ZFAND3: variants seen among roughly 807,000 people sequenced by gnomAD.
The protein encoded by ZFAND3 is zinc finger AN1-type containing 3.
In ZFAND3, 10 loss-of-function variants were observed where a neutral mutation model predicts 29.6. The observed-to-expected ratio is 0.34, with a 90% CI of 0.21 to 0.57. The LOEUF (loss-of-function observed/expected upper bound fraction) is 0.57. ZFAND3 is among the 20% of genes least tolerant of loss of function. The probability of loss-of-function intolerance (pLI) is 0.86; values close to 1 mark genes in which losing one functional copy is unlikely to be tolerated. For synonymous variants in ZFAND3, 128 were observed against 112.6 expected, an observed-to-expected ratio of 1.14 and a Z score of -0.87; for missense variants, 230 against 304.5, an observed-to-expected ratio of 0.76 and a Z score of 1.82.
At chr6:38,050,787 A>T (rs1242662244) in intron 2 of ZFAND3, among the ~76,000 whole-genome samples, 7 of 152,210 alleles carry the variant, frequency 4.6e-5, no homozygotes, top group Non-Finnish European at 1.0e-4. Context: ...GACATTCTTA[A>T]AATATAACAT....
At chr6:37,871,195 A>C (rs928135411) in intron 1 of ZFAND3, among the ~76,000 whole-genome samples, 1 of 152,186 alleles carries the variant, frequency 6.6e-6, no homozygotes, top group African/African-American at 2.4e-5. Context: ...TGTGTTGTTC[A>C]GATTGAATAG....
intron 5 of ZFAND3, among the ~76,000 whole-genome samples, chr6:38,120,876 G>A (rs1040706115): frequency 1.3e-5 from 2 of 152,168 alleles, no homozygotes; most frequent in African/African-American, 4.8e-5. Context: ...TGGGGCCTCT[G>A]GAGTAGTTGA....
chr6:37,862,020 A>G (rs997339904), intron 1 of ZFAND3, among the ~76,000 whole-genome samples: 14 of 152,204 alleles, frequency 9.2e-5, no homozygotes, highest in African/African-American at 3.1e-4. Context: ...AAGTTGGGCT[A>G]TGACTTCAGA....
chr6:38,082,380 T>G lies in ZFAND3; in HGVS notation c.296-12T>G, dbSNP rs1764680091. On this transcript the variant is annotated splice_polypyrimidine_tract_variant and intron_variant, in intron 3 of 5. Transcript: ENST00000287218. Reference sequence around the variant, plus strand: ...TGTGTCCTGACTGATGCACCTGCCTTTCTGTTTCTAGGTGGGCCATGCACA... The same window carrying G: ...TGTGTCCTGACTGATGCACCTGCCTGTCTGTTTCTAGGTGGGCCATGCACA... 6.2e-7 allele frequency: 1 copy of G among 1,610,468 alleles called. No individual in the cohort carries two copies. Among genetic ancestry groups the G allele is most frequent in the Non-Finnish European group, 8.5e-7 (1 of 1,178,206 alleles).
rs1012544748 is a variant in ZFAND3 at position 37,917,643 on chromosome 6, T to C, written c.72-12316T>C. On this transcript the variant is annotated intron_variant, in intron 1 of 5. Transcript: ENST00000287218. The stretch of plus-strand genomic sequence containing the variant: ...TTTCTCTTGCAAACTCTGGTCAATC[T>C]TGTATTTTGTGATGAATAATTAAAA... 4.6e-4 allele frequency among the ~76,000 whole-genome samples: 70 copies of C among 152,382 alleles called. 1 individual carries two copies. Among genetic ancestry groups the C allele is most frequent in the Admixed American group, 4.5e-3 (69 of 15,312 alleles).
chr6:38,061,513 T>C (rs1764239254), intron 2 of ZFAND3, 80 bp from the exon 3 acceptor site: 11 of 1,539,186 alleles, frequency 7.1e-6, no homozygotes, highest in Non-Finnish European at 8.8e-6. Flanking sequence ...TGCATTTAAT[T>C]TTTGTACCAA....
intron 5 of ZFAND3, among the ~76,000 whole-genome samples, chr6:38,117,380 C>T (rs937130607): frequency 6.7e-6 from 1 of 149,582 alleles, no homozygotes; most frequent in Non-Finnish European, 1.5e-5. Context: ...AGTCACCTTT[C>T]CTTCTGTATT....
chr6:37,878,050 T>C (rs977012669), intron 1 of ZFAND3, among the ~76,000 whole-genome samples: 3 of 152,102 alleles, frequency 2.0e-5, no homozygotes, highest in Admixed American at 1.3e-4. Context: ...ACAGCAGTAG[T>C]TGGAGAGAAG....
rs1212166193 is a variant in ZFAND3 at position 37,929,810 on chromosome 6, G to C, written c.72-149G>C. 3.4e-5 allele frequency: 19 copies of C among 554,922 alleles called. No homozygotes were observed. In the East Asian group the frequency reaches 4.9e-4, roughly 14 times the overall value. 34.4% of individuals were successfully genotyped at this position (554,922 alleles called of 1,614,324 possible). On this transcript the variant is annotated intron_variant, in intron 1 of 5. Transcript: ENST00000287218. Reference sequence around the variant, plus strand: ...TTTGTTGAGGGGGGAGTGGTGGCTAGCTAGGGACTTGTTATTAATTTATCA... The same window carrying C: ...TTTGTTGAGGGGGGAGTGGTGGCTACCTAGGGACTTGTTATTAATTTATCA...
At chr6:38,077,782 T>C (rs1190731556) in intron 3 of ZFAND3, among the ~76,000 whole-genome samples, 2 of 152,204 alleles carry the variant, frequency 1.3e-5, no homozygotes, top group African/African-American at 4.8e-5. Context: ...TTTTCTGTAT[T>C]TACTCAGCTG....
chr6:37,834,494 C>G (rs1268936467), intron 1 of ZFAND3, among the ~76,000 whole-genome samples: 1 of 152,144 alleles, frequency 6.6e-6, no homozygotes, highest in African/African-American at 2.4e-5. Flanking sequence ...CATAAGTTTT[C>G]AGCTCATTTG....
chr6:38,127,998 G>C (rs1765667268), intron 5 of ZFAND3, among the ~76,000 whole-genome samples: 1 of 152,130 alleles, frequency 6.6e-6, no homozygotes, highest in South Asian at 2.1e-4. Context: ...AAATTCACCA[G>C]ACTCTCTTAA....
At chr6:37,829,942 A>G (rs1763830529) in intron 1 of ZFAND3, among the ~76,000 whole-genome samples, 1 of 152,238 alleles carries the variant, frequency 6.6e-6, no homozygotes, top group South Asian at 2.1e-4. Context: ...GGGGATCTCA[A>G]AAATCCTGAT....
chr6:37,874,552 A>G (rs974817685), intron 1 of ZFAND3, among the ~76,000 whole-genome samples: 1 of 151,838 alleles, frequency 6.6e-6, no homozygotes, highest in Non-Finnish European at 1.5e-5. Context: ...CTTTTTTACA[A>G]GGACACCAGT....
At chr6:38,145,043 A>G (rs1368322087) in intron 5 of ZFAND3, among the ~76,000 whole-genome samples, 10 of 152,200 alleles carry the variant, frequency 6.6e-5, no homozygotes, top group Non-Finnish European at 1.5e-4. Context: ...ATTGGAGGGA[A>G]ATGCTGGCCT....
chr6:38,005,094 G>A (rs1436926383), intron 2 of ZFAND3, among the ~76,000 whole-genome samples: 1 of 152,184 alleles, frequency 6.6e-6, no homozygotes, highest in African/African-American at 2.4e-5. Flanking sequence ...GGGTGGCTGA[G>A]AAGTTTTTAT....
chr6:38,007,549 T>TA lies in ZFAND3; in HGVS notation c.113-54035dup, dbSNP rs756531284. On this transcript the variant is annotated intron_variant, in intron 2 of 5. Coordinates refer to ENST00000287218, the MANE Select transcript of ZFAND3 (RefSeq NM_021943.3). The stretch of plus-strand genomic sequence containing the variant: ...GACAGAGTGAGACCCTGTTTCAATT[T>TA]AAAAAAAAAGATCACTTAGTTCGTT... 1.5e-3 allele frequency among the ~76,000 whole-genome samples: 225 copies of TA among 151,322 alleles called. 1 individual carries two copies. The highest frequency in any genetic ancestry group is 2.7e-3 in the Non-Finnish European group (185 of 67,758).
At chr6:38,147,823 T>C (rs1024863707) in intron 5 of ZFAND3, among the ~76,000 whole-genome samples, 4 of 152,178 alleles carry the variant, frequency 2.6e-5, no homozygotes, top group Non-Finnish European at 4.4e-5. Flanking sequence ...AGGATTTTTT[T>C]TTTCCTGTTA....
At chr6:38,117,479 C>A (rs886911129) in intron 5 of ZFAND3, among the ~76,000 whole-genome samples, 3 of 152,096 alleles carry the variant, frequency 2.0e-5, no homozygotes, top group African/African-American at 7.2e-5. Flanking sequence ...CTCTTCTTGA[C>A]CACATGTATC....
Sources: allele counts gnomAD v4.1 joint callset (sites outside exome capture counted in the v4.1 genomes callset), GRCh38; gene constraint gnomAD v4.1.1; transcripts MANE v1.5; gene names NCBI Gene and HGNC (gene_info 2026-07-23, HGNC 2026-07-21).